SHISA6: variants seen among roughly 807,000 people sequenced by gnomAD.
The protein encoded by SHISA6 is shisa family member 6.
In SHISA6, 22 loss-of-function variants were observed where a neutral mutation model predicts 47.9. The observed-to-expected ratio is 0.46, with a 90% CI of 0.33 to 0.66. The LOEUF (loss-of-function observed/expected upper bound fraction) is 0.66. Among genes scored for constraint, SHISA6 ranks in the 30% least tolerant of loss-of-function variants. The probability of loss-of-function intolerance (pLI) is 0.02; values close to 1 mark genes in which losing one functional copy is unlikely to be tolerated. For missense variants in SHISA6, 680 were observed against 764.6 expected (o/e 0.89, Z 1.30); for synonymous variants, 388 against 337.8 (o/e 1.15, Z -1.63).
intron 3 of SHISA6, among the ~76,000 whole-genome samples, chr17:11,470,888 T>C (rs1403307349): frequency 6.6e-6 from 1 of 152,028 alleles, no homozygotes; most frequent in Non-Finnish European, 1.5e-5. Context: ...CTGACAGTGA[T>C]GGAAGAGTTG....
chr17:11,328,565 A>C (rs1452801200), intron 2 of SHISA6, among the ~76,000 whole-genome samples: 1 of 152,264 alleles, frequency 6.6e-6, no homozygotes, highest in African/African-American at 2.4e-5. Flanking sequence ...CCTGGTATGT[A>C]GGAAACACTC....
At chr17:11,341,937 G>C (rs888029299) in intron 2 of SHISA6, among the ~76,000 whole-genome samples, 1 of 152,140 alleles carries the variant, frequency 6.6e-6, no homozygotes, top group South Asian at 2.1e-4. Context: ...TGGGAGAAGA[G>C]GTGTCTGGGG....
At chr17:11,242,853 C>G (rs76754698) in intron 1 of SHISA6, among the ~76,000 whole-genome samples, 7,808 of 152,188 alleles carry the variant, frequency 0.051, 271 homozygotes, top group Non-Finnish European at 0.072. Flanking sequence ...AATGCTGCCC[C>G]GACGCACCAT....
chr17:11,341,353 G>A (rs1225665752), intron 2 of SHISA6, among the ~76,000 whole-genome samples: 3 of 17,052 alleles, frequency 1.8e-4, no homozygotes, highest in African/African-American at 6.5e-4. Flanking sequence ...TTTTTTTTTT[G>A]AGACAGAATC....
intron 2 of SHISA6, among the ~76,000 whole-genome samples, chr17:11,319,077 T>A (rs1166722792): frequency 9.2e-5 from 1 of 10,846 alleles, no homozygotes; most frequent in Non-Finnish European, 2.7e-4. Context: ...TTCTTATGTT[T>A]TTTTTTTTTT....
intron 3 of SHISA6, among the ~76,000 whole-genome samples, chr17:11,532,106 T>C (rs1382433038): frequency 6.6e-6 from 1 of 152,152 alleles, no homozygotes; most frequent in African/African-American, 2.4e-5. Context: ...ACAGAAAATT[T>C]CATAGGGTGG....
intron 3 of SHISA6, among the ~76,000 whole-genome samples, chr17:11,420,161 G>A (rs1000964941): frequency 1.1e-4 from 17 of 152,238 alleles, no homozygotes; most frequent in Middle Eastern, 6.8e-3. Flanking sequence ...CCAAGATTGC[G>A]CCACTGCACT....
At chr17:11,383,420 C>A (rs139609659) in intron 3 of SHISA6, among the ~76,000 whole-genome samples, 2 of 152,126 alleles carry the variant, frequency 1.3e-5, no homozygotes, top group Non-Finnish European at 2.9e-5. Context: ...GCAATAAACG[C>A]GTATTCTTTT....
intron 3 of SHISA6, among the ~76,000 whole-genome samples, chr17:11,419,403 G>C (rs1013685065): frequency 6.6e-6 from 1 of 152,062 alleles, no homozygotes; most frequent in South Asian, 2.1e-4. Context: ...AGGAGAGATA[G>C]GCACTGAGAA....
chr17:11,274,919 A>G (rs1908826889), intron 2 of SHISA6, among the ~76,000 whole-genome samples: 1 of 152,150 alleles, frequency 6.6e-6, no homozygotes. Flanking sequence ...GGCGAGGAGG[A>G]GAGTGGAGGG....
intron 3 of SHISA6, among the ~76,000 whole-genome samples, chr17:11,528,079 T>C (rs1471428345): frequency 6.6e-6 from 1 of 152,182 alleles, no homozygotes; most frequent in Non-Finnish European, 1.5e-5. Context: ...AGAGAGTTCC[T>C]TCCAAATTTG....
Position 11,495,983 on chromosome 17 carries a change from A to G in SHISA6, c.896-55913A>G, listed in dbSNP as rs558797236. 3.1e-3 allele frequency among the ~76,000 whole-genome samples: 448 copies of G among 143,650 alleles called. 2 individuals carry two copies. The highest frequency in any genetic ancestry group is 0.016 in the South Asian group (69 of 4,374). The allele number at this position is 143,650 out of a possible 152,430, so 94.2% of individuals were successfully genotyped here. On this transcript the variant is annotated intron_variant, in intron 3 of 5. Coordinates refer to ENST00000441885, the MANE Select transcript of SHISA6 (RefSeq NM_207386.4). ...TCTTTCTTGTCTGGCCCATCCTTCT[A>G]TTTATCCATTCATCCATCCATCCAT...
At chr17:11,388,228 G>A (rs998972343) in intron 3 of SHISA6, among the ~76,000 whole-genome samples, 9 of 152,132 alleles carry the variant, frequency 5.9e-5, no homozygotes, top group African/African-American at 1.9e-4. Flanking sequence ...TAGATAAAGC[G>A]CAGCACTCAG....
In SHISA6 at chr17:11,496,977, T is replaced by C. The variant is rs115371183; in HGVS notation, c.896-54919T>C. 8.3e-3 allele frequency among the ~76,000 whole-genome samples: 1,269 copies of C among 152,340 alleles called. 15 individuals are homozygous for C. Among genetic ancestry groups the C allele is most frequent in the African/African-American group, 0.029 (1,208 of 41,590 alleles). On this transcript the variant is annotated intron_variant, in intron 3 of 5. Transcript: ENST00000441885. ...CAGATTTTCCCAAGTTTTAAAACAA[T>C]GGCAGCCAAAGAAATCCCTTTGCAG...
In SHISA6 at chr17:11,449,824, G is replaced by A. The variant is rs118133052; in HGVS notation, c.895+70315G>A. Among the ~76,000 whole-genome samples the A allele has an allele frequency of 5.3e-3, 811 of 152,312 alleles. 8 individuals carry two copies. Among genetic ancestry groups the A allele is most frequent in the Non-Finnish European group, 7.7e-3 (522 of 68,026 alleles). ...CTGGCAACCCTCGTTCTTCCTTGGC[G>A]ATAGATGTTTCACACAAGGCTGTGT... On this transcript the variant is annotated intron_variant, in intron 3 of 5. Transcript: ENST00000441885.
chr17:11,483,669 A>G (rs1272716272), intron 3 of SHISA6, among the ~76,000 whole-genome samples: 2 of 152,204 alleles, frequency 1.3e-5, no homozygotes, highest in Admixed American at 1.3e-4. Flanking sequence ...AACTATTTAC[A>G]CACATAGTAG....
intron 2 of SHISA6, among the ~76,000 whole-genome samples, chr17:11,337,154 GA>G (rs1469594679): frequency 6.6e-6 from 1 of 152,184 alleles, no homozygotes; most frequent in Non-Finnish European, 1.5e-5. Context: ...CAGAGTCTGA[GA>G]CAAGAATTTG....
At chr17:11,301,172 C>G (rs921180585) in intron 2 of SHISA6, among the ~76,000 whole-genome samples, 1 of 152,032 alleles carries the variant, frequency 6.6e-6, no homozygotes, top group African/African-American at 2.4e-5. Flanking sequence ...CTGGAACCCT[C>G]ACTAGTTTTC....
chr17:11,287,077 G>A (rs1209016629), intron 2 of SHISA6, among the ~76,000 whole-genome samples: 1 of 152,028 alleles, frequency 6.6e-6, no homozygotes, highest in Non-Finnish European at 1.5e-5. Flanking sequence ...TTTCACTTTA[G>A]AAACATGTGA....
Sources: gnomAD v4.1 joint callset for allele counts (sites outside exome capture counted in the v4.1 genomes callset) on GRCh38, gnomAD v4.1.1 for gene constraint, MANE v1.5 for transcripts, NCBI Gene and HGNC (gene_info 2026-07-23, HGNC 2026-07-21) for gene names.